ARHGAP6: variants seen among roughly 807,000 people sequenced by gnomAD.
ARHGAP6 encodes the protein rho GTPase-activating protein 6.
A neutral mutation model predicts 55.7 loss-of-function variants in ARHGAP6; 16 were observed. The ratio of observed to expected loss-of-function variants is 0.29; its 90% CI spans 0.19 to 0.44. The LOEUF (loss-of-function observed/expected upper bound fraction) is 0.44. Ranked by LOEUF, ARHGAP6 falls within the 20% of genes least tolerant of loss-of-function variation. ARHGAP6 has a pLI of 1.00. For missense variants in ARHGAP6, 698 were observed against 808.9 expected (o/e 0.86, Z 1.66); for synonymous variants, 382 against 360.9 (o/e 1.06, Z -0.66).
At chrX:11,348,096 G>A (rs1194361352) in intron 1 of ARHGAP6, among the ~76,000 whole-genome samples, 1 of 112,173 alleles carries the variant, frequency 8.9e-6, no homozygotes, top group Non-Finnish European at 1.9e-5. Context: ...AGAGGATTGT[G>A]TTTTCTCTAG....
chrX:11,291,278 A>T (rs576251019), intron 1 of ARHGAP6, among the ~76,000 whole-genome samples: 1 of 111,799 alleles, frequency 8.9e-6, no homozygotes, highest in East Asian at 2.8e-4. Context: ...GGGAAAATCA[A>T]TTATTTCTAT....
chrX:11,288,191 A>T (rs1267597414), intron 1 of ARHGAP6, among the ~76,000 whole-genome samples: 2 of 112,523 alleles, frequency 1.8e-5, no homozygotes, highest in African/African-American at 6.5e-5. Context: ...GACTGTGAGT[A>T]GGAGTCTTTG....
At chrX:11,236,161 G>A (rs190740704) in intron 2 of ARHGAP6, among the ~76,000 whole-genome samples, 1 of 112,015 alleles carries the variant, frequency 8.9e-6, no homozygotes, top group African/African-American at 3.2e-5. Context: ...CAGTTTCGCA[G>A]GGCTGGGGAG....
intron 5 of ARHGAP6, among the ~76,000 whole-genome samples, chrX:11,184,680 T>C (rs1374341234): frequency 8.9e-6 from 1 of 112,724 alleles, no homozygotes; most frequent in East Asian, 2.8e-4. Flanking sequence ...TATATAATAA[T>C]ATATGCCAGG....
intron 1 of ARHGAP6, among the ~76,000 whole-genome samples, chrX:11,527,992 A>G (rs1235749698): frequency 8.9e-6 from 1 of 112,694 alleles, no homozygotes; most frequent in African/African-American, 3.2e-5. Context: ...GCAATTAGTT[A>G]CATTAGCTGA....
intron 1 of ARHGAP6, among the ~76,000 whole-genome samples, chrX:11,552,172 TACTC>T (rs2051273004): frequency 1.8e-5 from 2 of 110,860 alleles, no homozygotes; most frequent in Admixed American, 9.6e-5. Context: ...ATGAAAAACA[TACTC>T]AATATAACTA....
At chrX:11,635,603 T>C (rs181160711) in intron 1 of ARHGAP6, among the ~76,000 whole-genome samples, 191 of 111,605 alleles carry the variant, frequency 1.7e-3, no homozygotes, top group Non-Finnish European at 1.3e-3. Context: ...CTTTCAAACA[T>C]CGGGTGACTA....
At chrX:11,228,205 A>T (rs1285219260) in intron 2 of ARHGAP6, among the ~76,000 whole-genome samples, 1 of 111,967 alleles carries the variant, frequency 8.9e-6, no homozygotes, top group African/African-American at 3.2e-5. Flanking sequence ...TCCATGATAT[A>T]AGACTGACAG....
chrX:11,438,823 T>A (rs987465505), intron 1 of ARHGAP6, among the ~76,000 whole-genome samples: 14 of 112,133 alleles, frequency 1.2e-4, no homozygotes, highest in South Asian at 3.7e-4. Context: ...GGGCAGAAAA[T>A]AAAAGAGGTC....
intron 1 of ARHGAP6, among the ~76,000 whole-genome samples, chrX:11,433,304 G>T (rs1159728066): frequency 8.9e-6 from 1 of 112,293 alleles, no homozygotes; most frequent in Non-Finnish European, 1.9e-5. Flanking sequence ...GTGAGGAAGG[G>T]TGAGGAAATA....
At chrX:11,408,908 TAC>T (rs373105469) in intron 1 of ARHGAP6, among the ~76,000 whole-genome samples, 107 of 104,557 alleles carry the variant, frequency 1.0e-3, no homozygotes, top group African/African-American at 2.7e-3. Context: ...CACACACACA[TAC>T]ACACACACAC....
intron 1 of ARHGAP6, among the ~76,000 whole-genome samples, chrX:11,578,073 G>A (rs185724563): frequency 8.1e-5 from 9 of 111,616 alleles, no homozygotes; most frequent in African/African-American, 2.9e-4. Flanking sequence ...GGGGAAGAAA[G>A]GAAACAGAAG....
At chrX:11,462,527 A>G (rs2050254785) in intron 1 of ARHGAP6, among the ~76,000 whole-genome samples, 1 of 112,484 alleles carries the variant, frequency 8.9e-6, no homozygotes, top group South Asian at 3.7e-4. Flanking sequence ...CAGAATAGAA[A>G]CATAGCAGCG....
intron 1 of ARHGAP6, among the ~76,000 whole-genome samples, chrX:11,446,693 G>C (rs1457673932): frequency 8.9e-6 from 1 of 111,765 alleles, no homozygotes; most frequent in African/African-American, 3.3e-5. Context: ...CACCTCAGAG[G>C]GTGGCAACCT....
chrX:11,649,014 C>G (rs2052558018), intron 1 of ARHGAP6, among the ~76,000 whole-genome samples: 1 of 112,296 alleles, frequency 8.9e-6, no homozygotes, highest in South Asian at 3.7e-4. Flanking sequence ...GAGACATTCT[C>G]CAGCTTCCCT....
In ARHGAP6 at chrX:11,193,835, G is replaced by T. The variant is rs759578768; in HGVS notation, c.820+3090C>A. Among the ~76,000 whole-genome samples the T allele has an allele frequency of 3.6e-5, 4 of 112,624 alleles. No homozygotes were observed. The Admixed American group carries it at 3.8e-4, about 11-fold the overall frequency. On this transcript the variant is annotated intron_variant, in intron 3 of 12. Coordinates refer to ENST00000337414, the MANE Select transcript of ARHGAP6 (RefSeq NM_013427.3). ...TTAATTCAAATTCTTGCTTCCTGCTGCTTTGTATATATAATACATGCAAGC... is the reference window on the plus strand; with the variant it reads ...TTAATTCAAATTCTTGCTTCCTGCTTCTTTGTATATATAATACATGCAAGC...
intron 1 of ARHGAP6, among the ~76,000 whole-genome samples, chrX:11,513,846 A>C (rs1410065089): frequency 9.0e-6 from 1 of 110,869 alleles, no homozygotes; most frequent in African/African-American, 3.3e-5. Context: ...TTCCATGCCT[A>C]CCTTGGTAGC....
At chrX:11,259,026 T>G (rs2047525079) in intron 1 of ARHGAP6, among the ~76,000 whole-genome samples, 1 of 111,617 alleles carries the variant, frequency 9.0e-6, no homozygotes, top group Non-Finnish European at 1.9e-5. Context: ...AAATGTACAG[T>G]TAAGTTATTG....
rs190434268 is a variant in ARHGAP6 at position 11,521,995 on chromosome X, T to C, written c.588+142246A>G. Among the ~76,000 whole-genome samples the C allele has an allele frequency of 8.1e-4, 90 of 111,562 alleles. 1 individual carries two copies. The highest frequency in any genetic ancestry group is 8.3e-4 in the Non-Finnish European group (44 of 53,120). On this transcript the variant is annotated intron_variant, in intron 1 of 12. Coordinates refer to ENST00000337414, the MANE Select transcript of ARHGAP6 (RefSeq NM_013427.3). ...GGTGTATAAGAATGCTTGTGATTTT[T>C]GCACGTCGATTTTGTATCCTGAGAC...
Sources: gnomAD v4.1 joint callset for allele counts (sites outside exome capture counted in the v4.1 genomes callset) on GRCh38, gnomAD v4.1.1 for gene constraint, MANE v1.5 for transcripts, NCBI Gene and HGNC (gene_info 2026-07-23, HGNC 2026-07-21) for gene names.